The following NDE1 variants were observed in gnomAD, a reference collection of about 807,000 sequenced individuals.
NDE1 encodes the protein nudE neurodevelopment protein 1, also known as nuclear distribution protein nudE homolog 1.
In NDE1, 28 loss-of-function variants were observed where a neutral mutation model predicts 43.4. The ratio of observed to expected loss-of-function variants is 0.65; its 90% CI spans 0.48 to 0.89. The LOEUF is 0.89. Among genes scored for constraint, NDE1 ranks in the 40% least tolerant of loss-of-function variants. NDE1 has a pLI of 0.00. For missense variants in NDE1, 441 were observed against 434.1 expected, an observed-to-expected ratio of 1.02 and a Z score of -0.14; for synonymous variants, 184 against 172.0, an observed-to-expected ratio of 1.07 and a Z score of -0.55.
chr16:15,699,997 G>T, intron 8 of NDE1: 1 of 1,187,936 alleles, frequency 8.4e-7, no homozygotes. Flanking sequence ...TCTGGGGTTT[G>T]TCCCTGGGAA....
chr16:15,654,167 G>A (rs937960312), intron 1 of NDE1, among the ~76,000 whole-genome samples: 1 of 152,204 alleles, frequency 6.6e-6, no homozygotes, highest in African/African-American at 2.4e-5. Flanking sequence ...GCATGATGGT[G>A]TGGTGGCGTA....
rs946405891 is a variant in NDE1, at chr16:15,725,527, C to T, written c.*1276C>T. ...AAAACGTCCTCTCTGTATTCTCTGG[C>T]TTTTACTCCCTAGTGTCTCTGCATA... On this transcript the variant is annotated 3_prime_UTR_variant, in exon 9 of 9. Coordinates refer to ENST00000396354, the MANE Select transcript of NDE1 (RefSeq NM_017668.3). 1.2e-5 allele frequency: 5 copies of T among 417,624 alleles called. No individual in the cohort carries two copies. The highest frequency in any genetic ancestry group is 1.7e-5 in the Non-Finnish European group (4 of 236,628). 25.9% of individuals were successfully genotyped at this position (417,624 alleles called of 1,614,324 possible).
chr16:15,725,134 TAAAA>T lies in NDE1; in HGVS notation c.*895_*898del, dbSNP rs60544332. ...ATACCCGTGAGGTATGGGACTCTGA[TAAAA>T]AAAAAAAAAAACACACACACACACA... On this transcript the variant is annotated 3_prime_UTR_variant, in exon 9 of 9. Transcript: ENST00000396354. The T allele has an allele frequency of 1.7e-5, 9 of 540,856 alleles. No individual in the cohort carries two copies. The highest frequency in any genetic ancestry group is 6.6e-5 in the Admixed American group (2 of 30,442). The allele number at this position is 540,856 out of a possible 1,614,324, so 33.5% of individuals were successfully genotyped here.
intron 1 of NDE1, among the ~76,000 whole-genome samples, chr16:15,661,973 G>T (rs2037069418): frequency 6.6e-6 from 1 of 151,698 alleles, no homozygotes; most frequent in Non-Finnish European, 1.5e-5. Context: ...TCACTCTCTT[G>T]CCCAGGCTGG....
At chr16:15,691,621 C>T in intron 6 of NDE1, among the ~76,000 whole-genome samples, 1 of 145,704 alleles carries the variant, frequency 6.9e-6, no homozygotes, top group East Asian at 2.0e-4. Context: ...TTCTTCAAAG[C>T]CAGAAATCCT....
At chr16:15,694,525 T>C (rs75631719) in intron 7 of NDE1, 2 of 783,752 alleles carry the variant, frequency 2.6e-6, no homozygotes, top group Non-Finnish European at 3.1e-6. Flanking sequence ...CTTTCATTTT[T>C]TTGTAGTAAT....
chr16:15,693,250 C>G (rs2038842240), intron 6 of NDE1, among the ~76,000 whole-genome samples: 1 of 152,180 alleles, frequency 6.6e-6, no homozygotes, highest in Non-Finnish European at 1.5e-5. Context: ...ACTGATCGAA[C>G]TGCCTCGGCC....
intron 5 of NDE1, 50 bp from the exon 6 acceptor site, chr16:15,691,094 C>T (rs762839436): frequency 1.2e-6 from 2 of 1,611,652 alleles, no homozygotes; most frequent in South Asian, 1.1e-5. Context: ...AAACATGAGC[C>T]ACTGCGCCTG....
chr16:15,717,645 A>C, intron 8 of NDE1: 25 of 477,392 alleles, frequency 5.2e-5, no homozygotes, highest in East Asian at 1.6e-4. Context: ...AAATACAAAA[A>C]TTAGCCGGGC....
At chr16:15,695,932 G>GTGA (rs969053522) in intron 7 of NDE1, 8 of 154,238 alleles carry the variant, frequency 5.2e-5, no homozygotes, top group African/African-American at 1.9e-4. Context: ...AAACCAAAGG[G>GTGA]TGAAGGATTC....
At chr16:15,690,140 G>C (rs2038658526) in intron 5 of NDE1, among the ~76,000 whole-genome samples, 1 of 151,530 alleles carries the variant, frequency 6.6e-6, no homozygotes, top group Non-Finnish European at 1.5e-5. Context: ...TGTCCCCCAG[G>C]CTCAAGCGAT....
intron 8 of NDE1, chr16:15,700,099 C>T (rs1294039228): frequency 1.8e-6 from 2 of 1,138,852 alleles, no homozygotes; most frequent in Admixed American, 8.5e-5. Flanking sequence ...GGTGATGAGG[C>T]TACCGTGTTG....
chr16:15,692,011 G>A (rs1194006644), intron 6 of NDE1, among the ~76,000 whole-genome samples: 1 of 150,308 alleles, frequency 6.7e-6, no homozygotes, highest in East Asian at 2.0e-4. Context: ...AGCGTTCTGT[G>A]GGTTTAGTAA....
At chr16:15,696,672 C>T in intron 7 of NDE1, 37 bp from the exon 8 acceptor site, 1 of 1,614,052 alleles carries the variant, frequency 6.2e-7, no homozygotes, top group Non-Finnish European at 8.5e-7. Context: ...ATAGTCCTTG[C>T]CTATAACTTG....
chr16:15,719,212 T>C (rs1237058356), intron 8 of NDE1: 2 of 1,613,328 alleles, frequency 1.2e-6, no homozygotes, highest in Non-Finnish European at 1.7e-6. Context: ...CTCCATTCAG[T>C]TTCCTACCTT....
intron 8 of NDE1, chr16:15,714,030 T>G: frequency 6.6e-6 from 1 of 152,352 alleles, no homozygotes; most frequent in South Asian, 2.1e-4. Context: ...GTTGGCCCGG[T>G]AGAAGCAGCA....
At chr16:15,675,285 G>T (rs777441554) in intron 3 of NDE1, among the ~76,000 whole-genome samples, 1 of 151,220 alleles carries the variant, frequency 6.6e-6, no homozygotes, top group Non-Finnish European at 1.5e-5. Context: ...TGCAACCTCC[G>T]CCTCCCGGGT....
upstream of NDE1, among the ~76,000 whole-genome samples, chr16:15,647,709 G>A (rs183893142): frequency 1.3e-5 from 2 of 152,226 alleles, no homozygotes; most frequent in Admixed American, 1.3e-4. Context: ...TATTCACTGT[G>A]CTGTAAGGGT....
At chr16:15,671,463 T>C (rs962526523) in intron 3 of NDE1, among the ~76,000 whole-genome samples, 1 of 152,128 alleles carries the variant, frequency 6.6e-6, no homozygotes, top group Non-Finnish European at 1.5e-5. Context: ...TGAGCTATGA[T>C]TGTACCATTG....
Sources: gnomAD v4.1 joint callset for allele counts (sites outside exome capture counted in the v4.1 genomes callset) on GRCh38, gnomAD v4.1.1 for gene constraint, MANE v1.5 for transcripts, NCBI Gene and HGNC (gene_info 2026-07-23, HGNC 2026-07-21) for gene names.